The following LRRC74A variants were observed in gnomAD, a reference collection of about 807,000 sequenced individuals.
LRRC74A encodes leucine-rich repeat-containing protein 74A.
Under a neutral mutation model 57.9 loss-of-function variants are expected in LRRC74A, and 44 were observed. The ratio of observed to expected loss-of-function variants is 0.76; its 90% CI spans 0.60 to 0.98. LRRC74A has a LOEUF of 0.98. Among genes scored for constraint, LRRC74A ranks in the 50% least tolerant of loss-of-function variants. The pLI, the probability that LRRC74A is intolerant of heterozygous loss-of-function variation, is 0.00. For missense variants in LRRC74A, 572 were observed against 574.0 expected, an observed-to-expected ratio of 1.00 and a Z score of 0.04; for synonymous variants, 211 against 219.4, an observed-to-expected ratio of 0.96 and a Z score of 0.34.
chr14:76,860,585 G>A (rs1898217182), intron 10 of LRRC74A, 108 bp from the exon 11 acceptor site: 1 of 1,156,650 alleles, frequency 8.6e-7, no homozygotes, highest in Non-Finnish European at 1.2e-6. Flanking sequence ...AACTGGAAGA[G>A]ACAAAACTTC....
intron 13 of LRRC74A, 43 bp downstream of exon 13, chr14:76,867,481 C>T: frequency 9.2e-7 from 1 of 1,084,078 alleles, no homozygotes; most frequent in South Asian, 1.3e-5. Context: ...CTGCAAGGGG[C>T]CCTGGCTGGG....
chr14:76,860,677 T>C lies in LRRC74A; in HGVS notation c.1054-16T>C, dbSNP rs1263159041. 2 of 1,595,926 alleles carry C rather than the reference T, an allele frequency of 1.3e-6. No individual in the cohort carries two copies. Among genetic ancestry groups the C allele is most frequent in the Non-Finnish European group, 1.7e-6 (2 of 1,169,044 alleles). On this transcript the variant is annotated splice_polypyrimidine_tract_variant and intron_variant, in intron 10 of 13. Coordinates refer to ENST00000689127, the MANE Select transcript of LRRC74A (RefSeq NM_001385106.1). ...AGTGCCCTCATCATCATGGGTCCCC[T>C]CTCTCCCTGTCACAGAACGTGCTGG...
chr14:76,841,486 G>A (rs1006069079), intron 5 of LRRC74A, among the ~76,000 whole-genome samples: 22 of 151,538 alleles, frequency 1.5e-4, no homozygotes, highest in Admixed American at 8.5e-4. Context: ...TAGTAGTCTT[G>A]GCTATTCTTG....
intron 5 of LRRC74A, among the ~76,000 whole-genome samples, chr14:76,839,701 G>A (rs114084324): frequency 0.018 from 2,677 of 152,134 alleles, 77 homozygotes; most frequent in African/African-American, 0.061. Flanking sequence ...GGGGTTGTTA[G>A]TGTGACTGAG....
Position 76,860,718 on chromosome 14 carries a change from T to G in LRRC74A, c.1079T>G (p.Met360Arg). The G allele has an allele frequency of 6.2e-7, 1 of 1,611,932 alleles. No individual in the cohort carries two copies. Among genetic ancestry groups the G allele is most frequent in the Non-Finnish European group, 8.5e-7 (1 of 1,178,726 alleles). ...AACGTGCTGGTGTCCGAGCAGTTCA[T>G]GAAAACGTTGGACGGAGTGTATGCC... ...ISNVLVSEQF[M>R]KTLDGVYAVH... Residue 360 changes from methionine to arginine, a missense_variant, in exon 11 of 14, where the codon ATG becomes AGG. Met to Arg is a moderately conservative substitution (Grantham distance 91). Coordinates refer to ENST00000689127, the MANE Select transcript of LRRC74A (RefSeq NM_001385106.1).
At chr14:76,848,702 A>C (rs1897257120) in intron 7 of LRRC74A, among the ~76,000 whole-genome samples, 1 of 152,226 alleles carries the variant, frequency 6.6e-6, no homozygotes, top group South Asian at 2.1e-4. Flanking sequence ...AGAGTTCTTA[A>C]GGATGGAAAA....
In LRRC74A at chr14:76,852,418, A is replaced by G; in HGVS notation, c.730A>G (p.Arg244Gly). 1 of 1,611,664 alleles carries G rather than the reference A, an allele frequency of 6.2e-7. No individual in the cohort carries two copies. The highest frequency in any genetic ancestry group is 8.5e-7 in the Non-Finnish European group (1 of 1,178,650). Reference sequence around the variant, plus strand: ...TCTGAGCTGGAATAACTTCCACACAAGGGGAGCTGTGGCCTTGTGCAATGG... The same window carrying G: ...TCTGAGCTGGAATAACTTCCACACAGGGGGAGCTGTGGCCTTGTGCAATGG... ...LDLSWNNFHT[R>G]GAVALCNGLR... The change falls in exon 8 of 14, where the codon AGG becomes GGG. Residue 244 changes from arginine (R) to glycine (G), a missense_variant. By Grantham distance (125) the Arg-to-Gly change is moderately radical. Transcript: ENST00000689127.
intron 3 of LRRC74A, 133 bp downstream of exon 3, chr14:76,831,508 G>T: frequency 1.1e-6 from 1 of 916,094 alleles, no homozygotes. Context: ...CACTGCCCTG[G>T]GCTCTGCTTG....
Position 76,840,093 on chromosome 14 carries a change from T to C in LRRC74A, c.544+2122T>C, listed in dbSNP as rs190619687. 3.1e-3 allele frequency among the ~76,000 whole-genome samples: 474 copies of C among 152,304 alleles called. 4 individuals carry two copies. Among genetic ancestry groups the C allele is most frequent in the Non-Finnish European group, 2.7e-3 (182 of 68,022 alleles). On this transcript the variant is annotated intron_variant, in intron 5 of 13. Coordinates refer to ENST00000689127, the MANE Select transcript of LRRC74A (RefSeq NM_001385106.1). ...ATTGATGTCAAGTTTTATAGTCTTT[T>C]TCCTTTATGTATTTAATTTTTGTAG...
At chr14:76,835,700 C>T (rs1040051964) in intron 3 of LRRC74A, among the ~76,000 whole-genome samples, 1 of 152,016 alleles carries the variant, frequency 6.6e-6, no homozygotes, top group East Asian at 1.9e-4. Flanking sequence ...GCCTGGGCAA[C>T]ATAGACCCCG....
chr14:76,855,221 C>A (rs562337140), intron 9 of LRRC74A, among the ~76,000 whole-genome samples: 1 of 152,272 alleles, frequency 6.6e-6, no homozygotes, highest in Non-Finnish European at 1.5e-5. Flanking sequence ...CATCTAGTGA[C>A]CAGGAGATCT....
chr14:76,867,565 A>T (rs1899040072), intron 13 of LRRC74A, 127 bp downstream of exon 13: 1 of 591,384 alleles, frequency 1.7e-6, no homozygotes, highest in Non-Finnish European at 3.1e-6. Context: ...TGTTCCCTGC[A>T]TGCCAAGTCT....
chr14:76,866,444 T>C (rs1898801650), intron 12 of LRRC74A, among the ~76,000 whole-genome samples: 1 of 152,172 alleles, frequency 6.6e-6, no homozygotes, highest in African/African-American at 2.4e-5. Flanking sequence ...TTAGGAATCA[T>C]TTTCCTGAAA....
Position 76,860,682 on chromosome 14 carries a change from C to G in LRRC74A, c.1054-11C>G, listed in dbSNP as rs1487699183. ...CCTCATCATCATGGGTCCCCTCTCTCCCTGTCACAGAACGTGCTGGTGTCC... is the reference window on the plus strand; with the variant it reads ...CCTCATCATCATGGGTCCCCTCTCTGCCTGTCACAGAACGTGCTGGTGTCC... On this transcript the variant is annotated splice_polypyrimidine_tract_variant and intron_variant, in intron 10 of 13. Transcript: ENST00000689127. 2 of 1,601,026 alleles carry G rather than the reference C, an allele frequency of 1.2e-6. No homozygotes were observed. Among genetic ancestry groups the G allele is most frequent in the African/African-American group, 2.7e-5 (2 of 74,640 alleles).
Position 76,844,346 on chromosome 14 carries a change from C to G in LRRC74A, c.545-77C>G, listed in dbSNP as rs780912912. 343 of 1,334,846 alleles carry G rather than the reference C, an allele frequency of 2.6e-4. 1 individual carries two copies. The highest frequency in any genetic ancestry group is 5.5e-4 in the South Asian group (44 of 80,414). 82.7% of individuals were successfully genotyped at this position (1,334,846 alleles called of 1,614,324 possible). ...TTCGATTGTTCTAAAGGGAAGTGGACTGGGAGGGGCAGGGGGTGGGAGAGG... is the reference window on the plus strand; with the variant it reads ...TTCGATTGTTCTAAAGGGAAGTGGAGTGGGAGGGGCAGGGGGTGGGAGAGG... On this transcript the variant is annotated intron_variant, in intron 5 of 13. Transcript: ENST00000689127.
chr14:76,840,785 G>T (rs1298426524), intron 5 of LRRC74A, among the ~76,000 whole-genome samples: 2 of 151,524 alleles, frequency 1.3e-5, no homozygotes, highest in Non-Finnish European at 2.9e-5. Flanking sequence ...GGGTTTCACC[G>T]TGTTAGCCAG....
chr14:76,858,871 G>A (rs1898085479), intron 10 of LRRC74A, among the ~76,000 whole-genome samples: 1 of 152,142 alleles, frequency 6.6e-6, no homozygotes, highest in South Asian at 2.1e-4. Context: ...TTAGAGGTGT[G>A]AGCCACTGCA....
At chr14:76,852,273 T>C in intron 7 of LRRC74A, 92 bp from the exon 8 acceptor site, 1 of 905,562 alleles carries the variant, frequency 1.1e-6, no homozygotes, top group Non-Finnish European at 1.7e-6. Context: ...CACTGAGTGG[T>C]CTTTATCCCC....
In LRRC74A at chr14:76,853,223, T is replaced by C; in HGVS notation, c.770T>C (p.Val257Ala). ...TCTCCCCTCTTCCTGGAGGGTAATG[T>C]GACCCTGACAAAGCTGGATCTCTCC... ...VALCNGLRGNVTLTKLDLSMN... is the reference protein window; with the variant it reads ...VALCNGLRGNATLTKLDLSMN... The change falls in exon 9 of 14, where the codon GTG (valine) becomes GCG (alanine). Residue 257 changes from valine to alanine, a missense_variant. Coordinates refer to ENST00000689127, the MANE Select transcript of LRRC74A (RefSeq NM_001385106.1). 1 of 1,611,346 alleles carries C rather than the reference T, an allele frequency of 6.2e-7. No homozygotes were observed. Among genetic ancestry groups the C allele is most frequent in the South Asian group, 1.1e-5 (1 of 90,992 alleles).
Sources: allele counts gnomAD v4.1 joint callset (sites outside exome capture counted in the v4.1 genomes callset), GRCh38; gene constraint gnomAD v4.1.1; transcripts MANE v1.5; gene names NCBI Gene and HGNC (gene_info 2026-07-23, HGNC 2026-07-21).